CDH4: variants seen among roughly 807,000 people sequenced by gnomAD.
CDH4 encodes cadherin-4.
CDH4 carries 33 observed loss-of-function variants against 86.0 expected under a neutral mutation model. The observed-to-expected ratio is 0.38, with a 90% CI of 0.29 to 0.51. CDH4 has a LOEUF of 0.51. Among genes scored for constraint, CDH4 ranks in the 20% least tolerant of loss-of-function variants. The pLI, the probability that CDH4 is intolerant of heterozygous loss-of-function variation, is 0.86. For missense variants in CDH4, 1,114 were observed against 1,307.4 expected (o/e 0.85, Z 2.28); for synonymous variants, 555 against 549.4 (o/e 1.01, Z -0.14).
intron 9 of CDH4, among the ~76,000 whole-genome samples, chr20:61,916,988 C>T (rs1259509461): frequency 2.6e-5 from 4 of 152,236 alleles, no homozygotes; most frequent in Admixed American, 1.3e-4. Flanking sequence ...GAGAGCACTC[C>T]TGGGCAACTG....
chr20:61,510,502 G>C lies in CDH4; in HGVS notation c.170-233061G>C, dbSNP rs1029701069. On this transcript the variant is annotated intron_variant, in intron 2 of 15. Transcript: ENST00000614565. This position sits in a 1 kb window ranked among gnomAD's most constrained non-coding sequence, Gnocchi z 4.2. ...GGCTGATGGCATCCCATAAAGAAGA[G>C]AGATTCGTTCCACATAAAATGCAAC... Among the ~76,000 whole-genome samples the C allele has an allele frequency of 1.3e-5, 2 of 152,198 alleles. No individual in the cohort carries two copies. Among genetic ancestry groups the C allele is most frequent in the African/African-American group, 2.4e-5 (1 of 41,458 alleles).
intron 2 of CDH4, among the ~76,000 whole-genome samples, chr20:61,291,286 A>T (rs1009318206): frequency 5.0e-4 from 76 of 152,348 alleles, no homozygotes; most frequent in Admixed American, 4.2e-3. Context: ...GTTGTGATTA[A>T]GTTAATGATC....
At chr20:61,678,914 G>A (rs2087475867) in intron 2 of CDH4, among the ~76,000 whole-genome samples, 3 of 152,202 alleles carry the variant, frequency 2.0e-5, no homozygotes, top group Admixed American at 2.0e-4. Context: ...CCCATTCTCA[G>A]GTTCTAGGAG....
intron 9 of CDH4, among the ~76,000 whole-genome samples, chr20:61,920,666 CTGCATGGAAGCGTGGTGTCGTGATGAT>C (rs2054968398): frequency 8.5e-6 from 1 of 116,996 alleles, no homozygotes; most frequent in Non-Finnish European, 1.8e-5. Flanking sequence ...GTCACAGTGA[CTGCATGGAAGCGTGGTGTCGTGATGAT>C]TGCATGGAAG....
At chr20:61,888,828 CCCTGGTCAGCTGTGT>C (rs1984660335) in intron 7 of CDH4, among the ~76,000 whole-genome samples, 1 of 152,216 alleles carries the variant, frequency 6.6e-6, no homozygotes, top group Non-Finnish European at 1.5e-5. Context: ...CCTCGCTCTG[CCCTGGTCAGCTGTGT>C]AGAACTGGGG....
intron 3 of CDH4, among the ~76,000 whole-genome samples, chr20:61,747,323 C>A (rs1056963197): frequency 6.6e-6 from 1 of 151,720 alleles, no homozygotes; most frequent in South Asian, 2.1e-4. Context: ...TGGCAGGTGC[C>A]TATAGTCCCA....
chr20:61,275,214 A>G (rs1360666062), intron 2 of CDH4, among the ~76,000 whole-genome samples: 776 of 31,014 alleles, frequency 0.025, no homozygotes, highest in Admixed American at 0.033. Context: ...ACTGTATGCA[A>G]TTTGGGGGAG....
intron 13 of CDH4, 78 bp from the exon 14 acceptor site, chr20:61,932,907 A>G: frequency 6.4e-7 from 1 of 1,555,286 alleles, no homozygotes; most frequent in East Asian, 2.3e-5. Context: ...ACATGCCCAC[A>G]TAGACACATG....
chr20:61,569,403 C>T (rs1028562151), intron 2 of CDH4, among the ~76,000 whole-genome samples: 1 of 152,174 alleles, frequency 6.6e-6, no homozygotes, highest in African/African-American at 2.4e-5. Flanking sequence ...GACTCATCAC[C>T]TGTTATTTCC....
rs872710 is a variant in CDH4, at chr20:61,930,056, G to A, written c.2239+214G>A. On this transcript the variant is annotated intron_variant, in intron 13 of 15. Transcript: ENST00000614565. Reference sequence around the variant, plus strand: ...ACTCTCAAGTCTGGAGGTGCAGGCCGGCCCAGGTGTCTCCCATGGCCTGGC... The same window carrying A: ...ACTCTCAAGTCTGGAGGTGCAGGCCAGCCCAGGTGTCTCCCATGGCCTGGC... Among the ~76,000 whole-genome samples the A allele has an allele frequency of 8.0e-3, 1,222 of 152,328 alleles. 11 individuals are homozygous for A. The highest frequency in any genetic ancestry group is 0.026 in the African/African-American group (1,073 of 41,564).
intron 7 of CDH4, among the ~76,000 whole-genome samples, chr20:61,874,506 C>T (rs1457013437): frequency 6.6e-6 from 1 of 152,176 alleles, no homozygotes; most frequent in Non-Finnish European, 1.5e-5. Context: ...ATCTCAAGTG[C>T]CCGCCCCACT....
At chr20:61,520,232 T>C (rs535404337) in intron 2 of CDH4, among the ~76,000 whole-genome samples, 1 of 152,348 alleles carries the variant, frequency 6.6e-6, no homozygotes, top group South Asian at 2.1e-4. Context: ...TCTGAGATTG[T>C]TGCCAGGAGG....
At chr20:61,523,469 C>T (rs563993324) in intron 2 of CDH4, among the ~76,000 whole-genome samples, 48 of 152,386 alleles carry the variant, frequency 3.1e-4, no homozygotes, top group African/African-American at 9.6e-4. Flanking sequence ...CGTCATTCCC[C>T]GCCACGTGCT....
At chr20:61,868,071 ATTAGTGC>A (rs1983627267) in intron 6 of CDH4, among the ~76,000 whole-genome samples, 2 of 152,232 alleles carry the variant, frequency 1.3e-5, no homozygotes, top group African/African-American at 4.8e-5. Context: ...TCAATATCCG[ATTAGTGC>A]TTGGTTAATG....
chr20:61,824,837 C>T (rs895290883), intron 4 of CDH4, among the ~76,000 whole-genome samples: 9 of 152,188 alleles, frequency 5.9e-5, no homozygotes, highest in African/African-American at 1.7e-4. Flanking sequence ...TAAGAACAGG[C>T]TTAACCCTCC....
At chr20:61,654,395 G>A (rs974368525) in intron 2 of CDH4, among the ~76,000 whole-genome samples, 8 of 152,186 alleles carry the variant, frequency 5.3e-5, no homozygotes, top group African/African-American at 1.7e-4. Flanking sequence ...GCTTTGGCTC[G>A]GCATCAGAGG....
chr20:61,745,705 T>A (rs1023389807), intron 3 of CDH4, among the ~76,000 whole-genome samples: 29 of 148,838 alleles, frequency 1.9e-4, no homozygotes, highest in African/African-American at 5.5e-4. Context: ...CCCATGGGGG[T>A]CCCTTCCCTC....
intron 2 of CDH4, among the ~76,000 whole-genome samples, chr20:61,495,263 C>T (rs1196198551): frequency 6.6e-6 from 1 of 152,180 alleles, no homozygotes; most frequent in East Asian, 1.9e-4. Flanking sequence ...GAAACATGTC[C>T]CAGGCCCTGG....
intron 2 of CDH4, among the ~76,000 whole-genome samples, chr20:61,578,967 A>G (rs1038302737): frequency 7.9e-5 from 12 of 152,122 alleles, no homozygotes; most frequent in African/African-American, 2.7e-4. Context: ...TTTTCTTTCC[A>G]GTACCCCTGG....
Sources: allele counts gnomAD v4.1 joint callset (sites outside exome capture counted in the v4.1 genomes callset), GRCh38; gene constraint gnomAD v4.1.1; non-coding constraint Gnocchi (gnomAD v3.1); transcripts MANE v1.5; gene names NCBI Gene and HGNC (gene_info 2026-07-23, HGNC 2026-07-21).